Variants in COL5A2 observed in about 807,000 individuals in gnomAD.
COL5A2 encodes the protein collagen alpha-2(V) chain.
In COL5A2, 23 loss-of-function variants were observed where a neutral mutation model predicts 208.2. That is an observed-to-expected ratio of 0.11 (90% CI 0.08 to 0.16). The LOEUF is 0.16. Among genes scored for constraint, COL5A2 ranks in the 10% least tolerant of loss-of-function variants. The probability of loss-of-function intolerance (pLI) is 1.00; values close to 1 mark genes in which losing one functional copy is unlikely to be tolerated. For missense variants in COL5A2, 1,590 were observed against 1,956.4 expected (o/e 0.81, Z 3.53); for synonymous variants, 625 against 628.5 (o/e 0.99, Z 0.08).
the COL5A2 span, among the ~76,000 whole-genome samples, chr2:189,341,528 C>T: frequency 6.6e-6 from 1 of 152,028 alleles, no homozygotes; most frequent in East Asian, 1.9e-4. Flanking sequence ...TAAATAATCT[C>T]CTTCCACTTA....
At chr2:189,167,568 A>C (rs1688490233) in intron 1 of COL5A2, among the ~76,000 whole-genome samples, 1 of 152,212 alleles carries the variant, frequency 6.6e-6, no homozygotes, top group Non-Finnish European at 1.5e-5. Flanking sequence ...TATGCTTAAG[A>C]GAGAACAACA....
At chr2:189,061,508 A>T in intron 30 of COL5A2, 54 bp downstream of exon 30, 2 of 1,334,654 alleles carry the variant, frequency 1.5e-6, no homozygotes, top group Non-Finnish European at 2.1e-6. Flanking sequence ...TTTTTAAAAA[A>T]AAAAAGCATT....
intron 14 of COL5A2, 72 bp from the exon 15 acceptor site, chr2:189,079,179 A>C: frequency 2.6e-6 from 3 of 1,163,414 alleles, no homozygotes; most frequent in Non-Finnish European, 3.8e-6. Flanking sequence ...CTGTGTGTGT[A>C]ATTTTAAAAG....
intron 21 of COL5A2, among the ~76,000 whole-genome samples, chr2:189,067,041 T>C (rs1686170798): frequency 6.6e-6 from 1 of 152,218 alleles, no homozygotes; most frequent in Admixed American, 6.5e-5. Flanking sequence ...ATGTTTTTTA[T>C]CATGTGTAGT....
chr2:189,420,211 C>A, the COL5A2 span, among the ~76,000 whole-genome samples: 1 of 152,124 alleles, frequency 6.6e-6, no homozygotes, highest in Non-Finnish European at 1.5e-5. Context: ...ATCCATTCTG[C>A]ATGTTGAGTT....
chr2:189,229,118 A>G (rs1689450859), upstream of COL5A2, among the ~76,000 whole-genome samples: 2 of 151,780 alleles, frequency 1.3e-5, no homozygotes, highest in African/African-American at 4.8e-5. Flanking sequence ...TCCTTTCAGG[A>G]TAAAGACTCC....
In COL5A2 at chr2:189,217,024, T is replaced by C. The variant is rs144748042; in HGVS notation, c.-42+8124A>G. ...GGGGGAAAGTGACAACAAGCATCGA[T>C]ATGACCATGTTGCATTCTGTCTGCC... On this transcript the variant is annotated intron_variant, in intron 1 of 10. Transcript: ENST00000649966. 1.9e-3 allele frequency among the ~76,000 whole-genome samples: 285 copies of C among 152,210 alleles called. 2 individuals carry two copies. Among genetic ancestry groups the C allele is most frequent in the African/African-American group, 6.6e-3 (274 of 41,528 alleles).
At chr2:189,234,218 G>C in the COL5A2 span, among the ~76,000 whole-genome samples, 1 of 151,360 alleles carries the variant, frequency 6.6e-6, no homozygotes, top group African/African-American at 2.4e-5. Flanking sequence ...TACATCCTCA[G>C]CCTAGTCCCA....
intron 1 of COL5A2, among the ~76,000 whole-genome samples, chr2:189,111,129 A>C (rs1032097666): frequency 6.6e-6 from 1 of 152,200 alleles, no homozygotes; most frequent in South Asian, 2.1e-4. Flanking sequence ...ATTAAGGAAA[A>C]CCATAGCCAA....
At position 189,088,602 on chromosome 2, in the gene COL5A2, C is replaced by T. The variant is rs1353973792; in HGVS notation, c.645+93G>A. 4 of 891,612 alleles carry T rather than the reference C, an allele frequency of 4.5e-6. No homozygotes were observed. In the African/African-American group the frequency reaches 6.6e-5, roughly 15 times the overall value. 55.2% of individuals were successfully genotyped at this position (891,612 alleles called of 1,614,324 possible). A position where few individuals can be genotyped will look rare whatever the true frequency, so the allele number is the denominator to read the frequency against. ...ATGTACGACTGTGTTTAAGAAGATG[C>T]ATGTTATTCTTTGACTAGTTAACTC... On this transcript the variant is annotated intron_variant, in intron 8 of 53. Coordinates refer to ENST00000374866, the MANE Select transcript of COL5A2 (RefSeq NM_000393.5).
At chr2:189,053,865 A>G in intron 37 of COL5A2, 30 bp downstream of exon 37, 1 of 1,585,270 alleles carries the variant, frequency 6.3e-7, no homozygotes, top group Non-Finnish European at 8.7e-7. Flanking sequence ...TCAATCTCAC[A>G]CTAAAGAACA....
chr2:189,280,310 T>C, the COL5A2 span, among the ~76,000 whole-genome samples: 3 of 152,220 alleles, frequency 2.0e-5, no homozygotes, highest in African/African-American at 7.2e-5. Context: ...ATCCGTGTGC[T>C]TTCCTACAAT....
chr2:189,241,975 T>G, the COL5A2 span, among the ~76,000 whole-genome samples: 1 of 152,322 alleles, frequency 6.6e-6, no homozygotes, highest in South Asian at 2.1e-4. Context: ...TGAACATTTG[T>G]TCAAATGTTT....
chr2:189,244,761 G>T, the COL5A2 span, among the ~76,000 whole-genome samples: 2 of 152,078 alleles, frequency 1.3e-5, no homozygotes. Flanking sequence ...ACATTTTTGG[G>T]TATCTTTTCA....
intron 18 of COL5A2, among the ~76,000 whole-genome samples, chr2:189,071,754 C>T (rs1686279512): frequency 6.6e-6 from 1 of 152,112 alleles, no homozygotes. Flanking sequence ...AGCTCCTATT[C>T]CTTATAGTTG....
the COL5A2 span, among the ~76,000 whole-genome samples, chr2:189,284,468 G>A: frequency 2.6e-5 from 4 of 152,124 alleles, no homozygotes; most frequent in African/African-American, 4.8e-5. Context: ...CTACGGCAGA[G>A]CAAGAGAGAC....
At chr2:189,209,494 T>C (rs1386893430) in intron 1 of COL5A2, among the ~76,000 whole-genome samples, 2 of 152,234 alleles carry the variant, frequency 1.3e-5, no homozygotes, top group South Asian at 2.1e-4. Context: ...TTCCATTTTA[T>C]AGACCAGAAA....
intron 1 of COL5A2, among the ~76,000 whole-genome samples, chr2:189,193,921 T>C (rs1024335770): frequency 3.3e-5 from 5 of 152,192 alleles, no homozygotes; most frequent in Non-Finnish European, 7.4e-5. Flanking sequence ...GAAAGCCAGA[T>C]ATTAAAGAGA....
chr2:189,436,235 C>G, the COL5A2 span, among the ~76,000 whole-genome samples: 1 of 152,102 alleles, frequency 6.6e-6, no homozygotes, highest in African/African-American at 2.4e-5. Context: ...GCAAGGATTT[C>G]ATGATTAAAA....
Sources: allele counts gnomAD v4.1 joint callset (sites outside exome capture counted in the v4.1 genomes callset), GRCh38; gene constraint gnomAD v4.1.1; transcripts MANE v1.5; gene names NCBI Gene and HGNC (gene_info 2026-07-23, HGNC 2026-07-21).